Variants in SVEP1 observed in about 807,000 individuals in gnomAD.
SVEP1 encodes the protein sushi, von Willebrand factor type A, EGF and pentraxin domain containing 1.
SVEP1 carries 164 observed loss-of-function variants against 367.3 expected under a neutral mutation model. The ratio of observed to expected loss-of-function variants is 0.45; its 90% confidence interval spans 0.39 to 0.51. The LOEUF (loss-of-function observed/expected upper bound fraction) is 0.51, where lower values mean the gene tolerates loss of function less well. Among genes scored for constraint, SVEP1 ranks in the 20% least tolerant of loss-of-function variants. SVEP1 has a pLI of 0.00. For missense variants in SVEP1, 4,117 were observed against 4,425.3 expected (o/e 0.93, Z 1.98); for synonymous variants, 1,666 against 1,611.6 (o/e 1.03, Z -0.81).
At chr9:110,471,922 G>A (rs148344868) in intron 15 of SVEP1, among the ~76,000 whole-genome samples, 96 of 152,042 alleles carry the variant, frequency 6.3e-4, no homozygotes, top group African/African-American at 1.5e-3. Context: ...TTTTAAAAGC[G>A]CACCTTAATC....
intron 6 of SVEP1, among the ~76,000 whole-genome samples, chr9:110,500,438 T>C (rs1355731820): frequency 6.6e-6 from 1 of 152,210 alleles, no homozygotes; most frequent in Non-Finnish European, 1.5e-5. Context: ...ACGGTGAGCG[T>C]GTCTTTAACT....
At position 110,549,869 on chromosome 9, in the gene SVEP1, G is replaced by A. The variant is rs1830260830; in HGVS notation, c.767C>T (p.Ala256Val). 1 of 1,613,824 alleles carries A rather than the reference G, an allele frequency of 6.2e-7. No individual in the cohort carries two copies. Among genetic ancestry groups the A allele is most frequent in the Non-Finnish European group, 8.5e-7 (1 of 1,179,820 alleles). ...ATTACCTTCATGCAATGCCCGGCGA[G>A]CTAAAGCCTCAAATTCTTCAAAACT... is the stretch of plus-strand genomic sequence containing the variant. ...LHSFEEFEAL[A>V]RRALHEDLPS... The change falls in exon 2 of 48, where the codon GCT becomes GTT. Residue 256 changes from alanine to valine, a missense_variant. Transcript: ENST00000374469.
Position 110,570,994 on chromosome 9 carries a change from T to TTG in SVEP1, c.531+8017_531+8018dup, listed in dbSNP as rs1588113378. ...CCTTTTTTTTTTTTTTTTTTTTTTT[T>TTG]TGAGACAGGTCTTGCACTGTCGCCT... On this transcript the variant is annotated intron_variant, in intron 1 of 47. Coordinates refer to ENST00000374469, the MANE Select transcript of SVEP1 (RefSeq NM_153366.4). 2.2e-5 allele frequency among the ~76,000 whole-genome samples: 3 copies of TTG among 139,276 alleles called. No individual in the cohort carries two copies. The Admixed American group carries it at 2.2e-4, about 10-fold the overall frequency. The allele number at this position is 139,276 out of a possible 152,430, so 91.4% of individuals were successfully genotyped here.
chr9:110,474,463 T>G (rs1162111822), intron 14 of SVEP1, among the ~76,000 whole-genome samples: 1 of 152,190 alleles, frequency 6.6e-6, no homozygotes, highest in African/African-American at 2.4e-5. Flanking sequence ...GCAATGCTTG[T>G]TTTTAGGATC....
At chr9:110,403,226 G>A (rs1211698058) in intron 39 of SVEP1, among the ~76,000 whole-genome samples, 1 of 148,542 alleles carries the variant, frequency 6.7e-6, no homozygotes, top group African/African-American at 2.5e-5. Flanking sequence ...ATATCTTATG[G>A]AAGTTAGGAG....
rs147880465 is a variant in SVEP1 at position 110,564,647 on chromosome 9, GTT to G, written c.531+14364_531+14365del. Among the ~76,000 whole-genome samples, 1,085 of 152,050 alleles carry G rather than the reference GTT, an allele frequency of 7.1e-3. 10 individuals are homozygous for G. The highest frequency in any genetic ancestry group is 0.025 in the African/African-American group (1,042 of 41,496). On this transcript the variant is annotated intron_variant, in intron 1 of 47. Transcript: ENST00000374469. ...CATTCCAAATAAACGACATTTGGAA[GTT>G]TGTTTCATTTTTTTTATTTGTTTGT...
intron 1 of SVEP1, among the ~76,000 whole-genome samples, chr9:110,574,209 T>G (rs1242587560): frequency 6.6e-6 from 1 of 152,258 alleles, no homozygotes; most frequent in Non-Finnish European, 1.5e-5. Flanking sequence ...ATAAGATGTC[T>G]GACTGAGGGG....
intron 3 of SVEP1, among the ~76,000 whole-genome samples, chr9:110,524,416 G>A (rs1829916047): frequency 6.6e-6 from 1 of 152,066 alleles, no homozygotes; most frequent in South Asian, 2.1e-4. Flanking sequence ...TTAACAAAAT[G>A]TTAGCAAATG....
At chr9:110,398,785 C>A (rs1443380921) in intron 40 of SVEP1, among the ~76,000 whole-genome samples, 6 of 152,146 alleles carry the variant, frequency 3.9e-5, no homozygotes, top group Non-Finnish European at 8.8e-5. Flanking sequence ...CAAATCAAAA[C>A]CACAATGAGA....
chr9:110,525,850 C>T (rs1829934259), intron 3 of SVEP1, among the ~76,000 whole-genome samples: 1 of 151,830 alleles, frequency 6.6e-6, no homozygotes, highest in Admixed American at 6.6e-5. Flanking sequence ...CATAGGTATA[C>T]GTGTACCATG....
rs191962287 is a variant in SVEP1 at position 110,371,526 on chromosome 9, C to A, written c.10601-1510G>T. Among the ~76,000 whole-genome samples the A allele has an allele frequency of 2.0e-3, 299 of 152,264 alleles. 4 individuals carry two copies. The highest frequency in any genetic ancestry group is 0.018 in the Admixed American group (270 of 15,276). On this transcript the variant is annotated intron_variant, in intron 46 of 47. Transcript: ENST00000374469. ...TCTGGGAACCTAAACTATCATCCAA[C>A]TGCTTATCACTTCCCTTGTATGTTT...
At chr9:110,377,155 GACTTACAGCA>G in intron 45 of SVEP1, 106 bp downstream of exon 45, 2 of 844,302 alleles carry the variant, frequency 2.4e-6, no homozygotes, top group Non-Finnish European at 3.7e-6. Context: ...TGTGGACAAG[GACTTACAGCA>G]AATGAATTCT....
chr9:110,498,266 G>A (rs1418996760), intron 7 of SVEP1, among the ~76,000 whole-genome samples: 1 of 152,116 alleles, frequency 6.6e-6, no homozygotes, highest in Non-Finnish European at 1.5e-5. Flanking sequence ...AGTTATTTGT[G>A]GTCTAAAGGA....
rs71373993 is a variant in SVEP1, at chr9:110,375,465, TAAAAAAAAAAAAAAAAA to T, written c.10505-19_10505-3del. On this transcript the variant is annotated splice_region_variant and splice_polypyrimidine_tract_variant and intron_variant, in intron 45 of 47. Transcript: ENST00000374469. ...TCAGACAGGGAAGAATGCAGATTGCTAAAAAAAAAAAAAAAAAAAAAAAAAGGAGGCAGGGGGGATTG... is the reference window on the plus strand; with the variant it reads ...TCAGACAGGGAAGAATGCAGATTGCTAAAAAAAAGGAGGCAGGGGGGATTG... 6.6e-5 allele frequency: 37 copies of T among 557,896 alleles called. No individual in the cohort carries two copies. The highest frequency in any genetic ancestry group is 9.9e-5 in the Non-Finnish European group (37 of 374,964). 34.6% of individuals were successfully genotyped at this position (557,896 alleles called of 1,614,324 possible).
In SVEP1 at chr9:110,481,313, T is replaced by A. The variant is rs963084298; in HGVS notation, c.2294A>T (p.Asp765Val). Residue 765 changes from aspartate to valine, a missense_variant, in exon 12 of 48, where the codon GAC becomes GTC. Coordinates refer to ENST00000374469, the MANE Select transcript of SVEP1 (RefSeq NM_153366.4). Reference sequence around the variant, plus strand: ...ATCTTCATAAGCACAATAATACTTGTCAGTAGACCCTTCTGTGAAATCATA... The same window carrying A: ...ATCTTCATAAGCACAATAATACTTGACAGTAGACCCTTCTGTGAAATCATA... ...EGYDFTEGST[D>V]KYYCAYEDGV... is the part of the protein sequence containing the mutation. 3 of 1,611,458 alleles carry A rather than the reference T, an allele frequency of 1.9e-6. No individual in the cohort carries two copies. Among genetic ancestry groups the A allele is most frequent in the African/African-American group, 2.7e-5 (2 of 75,004 alleles).
intron 22 of SVEP1, among the ~76,000 whole-genome samples, chr9:110,451,811 A>G (rs922082813): frequency 4.6e-5 from 7 of 152,226 alleles, no homozygotes; most frequent in African/African-American, 1.7e-4. Flanking sequence ...TTGAATGAAG[A>G]AAATAACTCA....
rs1429579519 is a variant in SVEP1, at chr9:110,448,604, A to T, written c.4103+1455T>A. Reference sequence around the variant, plus strand: ...TTACAACACTATCATATCCTCATCTATGAAATAGATTCACTTTGTCAACAA... The same window carrying T: ...TTACAACACTATCATATCCTCATCTTTGAAATAGATTCACTTTGTCAACAA... On this transcript the variant is annotated intron_variant, in intron 24 of 47. Coordinates refer to ENST00000374469, the MANE Select transcript of SVEP1 (RefSeq NM_153366.4). 2.6e-5 allele frequency among the ~76,000 whole-genome samples: 4 copies of T among 152,212 alleles called. No homozygotes were observed. In the East Asian group the frequency reaches 7.7e-4, roughly 29 times the overall value.
intron 3 of SVEP1, among the ~76,000 whole-genome samples, chr9:110,517,159 C>A (rs1260480611): frequency 3.3e-5 from 5 of 152,100 alleles, no homozygotes; most frequent in Non-Finnish European, 7.4e-5. Context: ...GCTTAGAAAA[C>A]AAAGCCATTT....
chr9:110,396,695 C>G (rs1203939991), intron 40 of SVEP1, among the ~76,000 whole-genome samples: 8 of 71,722 alleles, frequency 1.1e-4, no homozygotes, highest in South Asian at 4.3e-4. Context: ...TACAAACTAC[C>G]ATCAGAATAC....
Sources: gnomAD v4.1 joint callset for allele counts (sites outside exome capture counted in the v4.1 genomes callset) on GRCh38, gnomAD v4.1.1 for gene constraint, MANE v1.5 for transcripts, NCBI Gene and HGNC (gene_info 2026-07-23, HGNC 2026-07-21) for gene names.